ZNF846: variants seen among roughly 807,000 people sequenced by gnomAD.
The protein encoded by ZNF846 is zinc finger protein 846.
ZNF846 carries 15 observed loss-of-function variants against 16.0 expected under a neutral mutation model. The observed-to-expected ratio is 0.94, with a 90% confidence interval of 0.63 to 1.45. ZNF846 has a LOEUF of 1.45. Among genes scored for constraint, ZNF846 ranks in the 40% most tolerant of loss-of-function variants. The pLI, the probability that ZNF846 is intolerant of heterozygous loss-of-function variation, is 0.00. For synonymous variants in ZNF846, 229 were observed against 212.0 expected (o/e 1.08, Z -0.70); for missense variants, 714 against 622.3 (o/e 1.15, Z -1.57).
chr19:9,768,524 G>A lies in ZNF846; in HGVS notation c.-321C>T, dbSNP rs375724286. 4.5e-3 allele frequency: 683 copies of A among 152,382 alleles called. 3 individuals are homozygous for A. Among genetic ancestry groups the A allele is most frequent in the Non-Finnish European group, 7.7e-3 (527 of 68,116 alleles). The allele number at this position is 152,382 out of a possible 1,614,324, so 9.4% of individuals were successfully genotyped here. ...TCAGAAGAGAAGGCGGGAACCCCCCGCCTCGGGGTCCTGGCGGGGAGGAGG... is the reference window on the plus strand; with the variant it reads ...TCAGAAGAGAAGGCGGGAACCCCCCACCTCGGGGTCCTGGCGGGGAGGAGG... On this transcript the variant is annotated 5_prime_UTR_variant, in exon 1 of 6. Transcript: ENST00000397902.
chr19:9,777,486 C>G (rs2045458383), intron 1 of ZNF846, among the ~76,000 whole-genome samples: 1 of 151,316 alleles, frequency 6.6e-6, no homozygotes, highest in African/African-American at 2.4e-5. Context: ...TCCTGGCCAA[C>G]CTGGTGAAAT....
At chr19:9,773,015 C>T (rs755365530), upstream of ZNF846, among the ~76,000 whole-genome samples, 1 of 152,042 alleles carries the variant, frequency 6.6e-6, no homozygotes, top group Non-Finnish European at 1.5e-5. Flanking sequence ...TAAAACCGAC[C>T]ATGCCCCTGC....
At chr19:9,766,189 G>A (rs2045312910) in intron 1 of ZNF846, among the ~76,000 whole-genome samples, 1 of 152,086 alleles carries the variant, frequency 6.6e-6, no homozygotes, top group Non-Finnish European at 1.5e-5. Context: ...GGAGGCCGAG[G>A]TGGGCAGATC....
intron 4 of ZNF846, among the ~76,000 whole-genome samples, 184 bp from the exon 5 acceptor site, chr19:9,760,126 T>C (rs1568322827): frequency 6.6e-6 from 1 of 151,212 alleles, no homozygotes; most frequent in Non-Finnish European, 1.5e-5. Context: ...ACACTGTCTC[T>C]ACTAAAAATA....
intron 4 of ZNF846, 45 bp from the exon 5 acceptor site, chr19:9,759,987 T>C (rs748310436): frequency 3.3e-6 from 5 of 1,499,046 alleles, no homozygotes; most frequent in South Asian, 1.1e-5. Flanking sequence ...AATTGTGGAA[T>C]AAAGTCGTTT....
At chr19:9,775,085 T>A (rs1469356963) in intron 1 of ZNF846, 2 of 820,108 alleles carry the variant, frequency 2.4e-6, no homozygotes, top group African/African-American at 3.5e-5. Context: ...TTGTGGCAGT[T>A]ACTAACTTTC....
At chr19:9,765,459 T>C (rs1599391748) in intron 1 of ZNF846, among the ~76,000 whole-genome samples, 1 of 151,784 alleles carries the variant, frequency 6.6e-6, no homozygotes, top group Non-Finnish European at 1.5e-5. Flanking sequence ...GATCACGAGG[T>C]TAGGAGATCG....
At chr19:9,752,434 T>A (rs755121365) in exon 6 of ZNF846, 4 of 421,804 alleles carry the variant, frequency 9.5e-6, no homozygotes, top group South Asian at 6.7e-5. Context: ...ATGATGAAAC[T>A]TCGTCTCTAC....
chr19:9,764,929 C>T lies in ZNF846; in HGVS notation c.15+7G>A, dbSNP rs182289946. 70 of 1,614,140 alleles carry T rather than the reference C, an allele frequency of 4.3e-5. No homozygotes were observed. In the Admixed American group the frequency reaches 5.3e-4, roughly 12 times the overall value. On this transcript the variant is annotated splice_region_variant and intron_variant, in intron 2 of 5. Transcript: ENST00000397902. ...ACATTTTGAAGTTAGGTCTGCTTTC[C>T]ACTTGCCTGAGAAGAATCCATCAGT...
downstream of ZNF846, among the ~76,000 whole-genome samples, chr19:9,755,351 G>A (rs1273915846): frequency 6.6e-6 from 1 of 151,372 alleles, no homozygotes; most frequent in Non-Finnish European, 1.5e-5. Context: ...ACATAGAAAG[G>A]CAATCTCATT....
downstream of ZNF846, among the ~76,000 whole-genome samples, chr19:9,754,865 A>T (rs993304051): frequency 6.9e-6 from 1 of 144,220 alleles, no homozygotes; most frequent in Non-Finnish European, 1.5e-5. Flanking sequence ...TACCATGGGG[A>T]TTTTTTTTTC....
At chr19:9,774,763 A>T (rs1383395083) in intron 1 of ZNF846, 5 of 1,569,482 alleles carry the variant, frequency 3.2e-6, no homozygotes, top group Non-Finnish European at 4.4e-6. Context: ...GTCTGTCAGT[A>T]ATTAGTGCTG....
downstream of ZNF846, among the ~76,000 whole-genome samples, chr19:9,750,331 T>G (rs2045073938): frequency 6.6e-6 from 1 of 152,158 alleles, no homozygotes; most frequent in African/African-American, 2.4e-5. Context: ...TCACAGATAC[T>G]ATGTGCTTTC....
chr19:9,762,036 G>A, intron 4 of ZNF846, 46 bp downstream of exon 4: 1 of 1,444,880 alleles, frequency 6.9e-7, no homozygotes, highest in East Asian at 2.3e-5. Context: ...ATGTCTCCTA[G>A]GGTGGCACAG....
intron 1 of ZNF846, among the ~76,000 whole-genome samples, chr19:9,783,538 A>T (rs1253156481): frequency 0.01 from 1,191 of 114,990 alleles, 3 homozygotes; most frequent in Non-Finnish European, 0.015. Context: ...AAAAAAAAAA[A>T]AAAAAAATAT....
exon 6 of ZNF846, chr19:9,758,343 C>T (rs2045167003): frequency 6.2e-7 from 1 of 1,613,172 alleles, no homozygotes; most frequent in Admixed American, 1.7e-5. Flanking sequence ...GTGAATTCTT[C>T]CATGTCCTAT....
chr19:9,761,999 C>G (rs1040828433), intron 4 of ZNF846, 83 bp downstream of exon 4: 1 of 1,218,408 alleles, frequency 8.2e-7, no homozygotes, highest in East Asian at 2.4e-5. Context: ...CTGAGAAGTT[C>G]GCAAAGTAAC....
downstream of ZNF846, among the ~76,000 whole-genome samples, chr19:9,753,891 G>A (rs1321513654): frequency 2.0e-5 from 3 of 151,538 alleles, no homozygotes; most frequent in Admixed American, 2.0e-4. Flanking sequence ...GTTGTGGGGT[G>A]GGTTGTGCCA....
At position 9,765,052 on chromosome 19, in the gene ZNF846, T is replaced by C; in HGVS notation, c.-85-17A>G. ...AAAAATGACCTTTGGAAAAGAATAA[T>C]GGCATGTCAGTTGGATACATCAAAG... On this transcript the variant is annotated splice_polypyrimidine_tract_variant and intron_variant, in intron 1 of 5. Coordinates refer to ENST00000397902, the Ensembl canonical transcript of ZNF846. 3 of 1,304,114 alleles carry C rather than the reference T, an allele frequency of 2.3e-6. No homozygotes were observed. The highest frequency in any genetic ancestry group is 1.2e-5 in the South Asian group (1 of 84,752). 80.8% of individuals were successfully genotyped at this position (1,304,114 alleles called of 1,614,324 possible). A position where few individuals can be genotyped will look rare whatever the true frequency, so the allele number is the denominator to read the frequency against.
Sources: allele counts gnomAD v4.1 joint callset (sites outside exome capture counted in the v4.1 genomes callset), GRCh38; gene constraint gnomAD v4.1.1; transcripts MANE v1.5; gene names NCBI Gene and HGNC (gene_info 2026-07-23, HGNC 2026-07-21).